Variants in SUZ12 observed in about 807,000 individuals in gnomAD.
SUZ12 encodes polycomb protein SUZ12.
A neutral mutation model predicts 87.3 loss-of-function variants in SUZ12; 17 were observed. The observed-to-expected ratio is 0.19, with a 90% confidence interval of 0.13 to 0.29. SUZ12 has a LOEUF of 0.29. Ranked by LOEUF, SUZ12 falls within the 10% of genes least tolerant of loss-of-function variation. The pLI, the probability that SUZ12 is intolerant of heterozygous loss-of-function variation, is 1.00. For missense variants in SUZ12, 526 were observed against 912.2 expected (o/e 0.58, Z 5.45); for synonymous variants, 253 against 312.4 (o/e 0.81, Z 2.01).
intron 4 of SUZ12, 84 bp downstream of exon 4, chr17:31,947,769 T>C: frequency 2.9e-6 from 4 of 1,368,482 alleles, no homozygotes. Flanking sequence ...AGTGATCACC[T>C]TGATATAAGG....
chr17:31,951,453 A>G (rs1906972364), intron 4 of SUZ12, among the ~76,000 whole-genome samples: 1 of 152,058 alleles, frequency 6.6e-6, no homozygotes, highest in South Asian at 2.1e-4. Flanking sequence ...GGTGATAGAA[A>G]AACATGAGCT....
At position 31,958,567 on chromosome 17, in the gene SUZ12, GC is replaced by G. The variant is rs1907509888; in HGVS notation, c.456-7578del. Among the ~76,000 whole-genome samples the G allele has an allele frequency of 3.3e-5, 5 of 151,480 alleles. No individual in the cohort carries two copies. In the South Asian group the frequency reaches 1.0e-3, roughly 32 times the overall value. On this transcript the variant is annotated intron_variant, in intron 4 of 15. Transcript: ENST00000322652. ...CTCTACTAAAAATCCAAAAAATTAG[GC>G]CAGGTGCGGTGGCTCACGCCTGTAA... is the stretch of plus-strand genomic sequence containing the variant.
intron 10 of SUZ12, among the ~76,000 whole-genome samples, chr17:31,990,438 A>G (rs951293524): frequency 2.0e-5 from 3 of 151,812 alleles, no homozygotes; most frequent in African/African-American, 7.3e-5. Context: ...ATCTCGGCTC[A>G]GCACAACCTC....
intron 10 of SUZ12, among the ~76,000 whole-genome samples, chr17:31,990,218 C>T (rs533667251): frequency 7.4e-5 from 11 of 149,632 alleles, no homozygotes; most frequent in Non-Finnish European, 1.5e-4. Context: ...CATGGTCTGC[C>T]TGCCTCGGCC....
At chr17:31,994,070 A>G (rs1909853498) in intron 12 of SUZ12, 62 bp downstream of exon 12, 1 of 1,524,920 alleles carries the variant, frequency 6.6e-7, no homozygotes, top group Non-Finnish European at 8.8e-7. Flanking sequence ...CCATAAATAT[A>G]TACATCTATG....
chr17:31,989,404 G>A (rs192281224), intron 10 of SUZ12, among the ~76,000 whole-genome samples: 132 of 152,198 alleles, frequency 8.7e-4, no homozygotes, highest in African/African-American at 3.1e-3. Flanking sequence ...AAATTGAAGC[G>A]TGATATGGTA....
intron 4 of SUZ12, among the ~76,000 whole-genome samples, chr17:31,953,402 T>C (rs1459145623): frequency 1.3e-5 from 2 of 151,818 alleles, no homozygotes; most frequent in Non-Finnish European, 1.5e-5. Flanking sequence ...TGAGCCACCA[T>C]GCCTGGCTTT....
intron 8 of SUZ12, among the ~76,000 whole-genome samples, chr17:31,977,890 A>AAAAAG (rs764842320): frequency 1.4e-4 from 22 of 152,238 alleles, no homozygotes; most frequent in Non-Finnish European, 3.1e-4. Context: ...CTCTTGTCTT[A>AAAAAG]AAAAGAAAAG....
chr17:31,961,535 C>T (rs1414466588), intron 4 of SUZ12, among the ~76,000 whole-genome samples: 1 of 152,210 alleles, frequency 6.6e-6, no homozygotes, highest in African/African-American at 2.4e-5. Context: ...CAGTAAGACT[C>T]CGTCTCAAAA....
chr17:31,954,727 A>G (rs1170507380), intron 4 of SUZ12, among the ~76,000 whole-genome samples: 2 of 152,226 alleles, frequency 1.3e-5, no homozygotes, highest in African/African-American at 4.8e-5. Flanking sequence ...CAGGGAAGGC[A>G]TCTCTGAAGA....
chr17:31,970,073 G>A (rs1217303076), intron 5 of SUZ12, among the ~76,000 whole-genome samples: 1 of 152,160 alleles, frequency 6.6e-6, no homozygotes, highest in African/African-American at 2.4e-5. Flanking sequence ...ATGAGCCACT[G>A]CATCCGGCCT....
chr17:31,971,990 T>C (rs529396084), intron 5 of SUZ12, among the ~76,000 whole-genome samples: 1 of 151,454 alleles, frequency 6.6e-6, no homozygotes, highest in East Asian at 1.9e-4. Context: ...ATTAGAAATA[T>C]TCAGTAAATA....
At chr17:31,957,401 G>C (rs946133747) in intron 4 of SUZ12, among the ~76,000 whole-genome samples, 1 of 151,424 alleles carries the variant, frequency 6.6e-6, no homozygotes, top group Non-Finnish European at 1.5e-5. Context: ...CACCATACCC[G>C]GATAATTTTT....
At position 31,988,300 on chromosome 17, in the gene SUZ12, G is replaced by T; in HGVS notation, c.1024-20G>T. Reference sequence around the variant, plus strand: ...TTCATTATCTGAGTCTCCAGTCTTTGCATGTTTTTTATTTTTTAGAGGCTG... The same window carrying T: ...TTCATTATCTGAGTCTCCAGTCTTTTCATGTTTTTTATTTTTTAGAGGCTG... On this transcript the variant is annotated intron_variant, in intron 9 of 15. Coordinates refer to ENST00000322652, the MANE Select transcript of SUZ12 (RefSeq NM_015355.4). The T allele has an allele frequency of 1.3e-6, 2 of 1,519,472 alleles. No individual in the cohort carries two copies. The highest frequency in any genetic ancestry group is 1.8e-6 in the Non-Finnish European group (2 of 1,137,672). The allele number at this position is 1,519,472 out of a possible 1,614,324, so 94.1% of individuals were successfully genotyped here. A position where few individuals can be genotyped will look rare whatever the true frequency, so the allele number is the denominator to read the frequency against.
At chr17:31,979,995 A>AAT (rs1555592372) in intron 8 of SUZ12, among the ~76,000 whole-genome samples, 7 of 149,396 alleles carry the variant, frequency 4.7e-5, no homozygotes, top group South Asian at 2.1e-4. Context: ...AACCCTAAAA[A>AAT]ATATATATAT....
intron 9 of SUZ12, among the ~76,000 whole-genome samples, chr17:31,983,571 C>T (rs1257467766): frequency 6.6e-6 from 1 of 152,158 alleles, no homozygotes; most frequent in African/African-American, 2.4e-5. Context: ...TGAGCCACTG[C>T]ACCCGGCCAC....
At chr17:31,956,130 TTCTCAA>T in intron 4 of SUZ12, among the ~76,000 whole-genome samples, 1 of 150,172 alleles carries the variant, frequency 6.7e-6, no homozygotes, top group Non-Finnish European at 1.5e-5. Context: ...AGCCAGGATG[TTCTCAA>T]TCTCCTGACC....
chr17:31,974,768 C>A (rs921328537), intron 6 of SUZ12, among the ~76,000 whole-genome samples: 7 of 152,050 alleles, frequency 4.6e-5, no homozygotes, highest in Non-Finnish European at 8.8e-5. Flanking sequence ...TTTTTTTAGA[C>A]TGTATGTATT....
intron 3 of SUZ12, among the ~76,000 whole-genome samples, chr17:31,946,101 C>T (rs1388407711): frequency 1.3e-5 from 2 of 151,832 alleles, no homozygotes. Context: ...CTTTTTTTCC[C>T]TTAAGATCTT....
Sources: allele counts gnomAD v4.1 joint callset (sites outside exome capture counted in the v4.1 genomes callset), GRCh38; gene constraint gnomAD v4.1.1; transcripts MANE v1.5; gene names NCBI Gene and HGNC (gene_info 2026-07-23, HGNC 2026-07-21).